The following ZFAND6 variants were observed in gnomAD, a reference collection of about 807,000 sequenced individuals.
The protein encoded by ZFAND6 is zinc finger AN1-type containing 6, also known as AN1-type zinc finger protein 6.
In ZFAND6, 12 loss-of-function variants were observed where a neutral mutation model predicts 24.5. The ratio of observed to expected loss-of-function variants is 0.49; its 90% CI spans 0.31 to 0.79. The LOEUF (loss-of-function observed/expected upper bound fraction) is 0.79, where lower values mean the gene tolerates loss of function less well. Ranked by LOEUF, ZFAND6 falls within the 30% of genes least tolerant of loss-of-function variation. The pLI is 0.04. For synonymous variants in ZFAND6, 92 were observed against 81.5 expected (o/e 1.13, Z -0.69); for missense variants, 207 against 245.9 (o/e 0.84, Z 1.06).
chr15:80,083,200 CT>C (rs2037782750), intron 1 of ZFAND6, among the ~76,000 whole-genome samples: 1 of 152,118 alleles, frequency 6.6e-6, no homozygotes. Flanking sequence ...ACCGTGTTAG[CT>C]GGGATGGTCT....
chr15:80,067,115 T>C (rs1235628902), intron 1 of ZFAND6, among the ~76,000 whole-genome samples: 1 of 152,172 alleles, frequency 6.6e-6, no homozygotes, highest in Non-Finnish European at 1.5e-5. Flanking sequence ...GACAGAAGAT[T>C]AGAATGACTG....
chr15:80,071,882 G>C (rs1048786332), intron 1 of ZFAND6, among the ~76,000 whole-genome samples: 1 of 151,878 alleles, frequency 6.6e-6, no homozygotes, highest in African/African-American at 2.4e-5. Context: ...ATACTCACAT[G>C]TCAGATCTGT....
At chr15:80,073,610 T>C (rs2141826168) in intron 1 of ZFAND6, among the ~76,000 whole-genome samples, 1 of 152,074 alleles carries the variant, frequency 6.6e-6, no homozygotes, top group South Asian at 2.1e-4. Flanking sequence ...ATATCTGTTG[T>C]TTAAACAATA....
intron 1 of ZFAND6, among the ~76,000 whole-genome samples, chr15:80,089,453 G>T (rs960132589): frequency 6.6e-6 from 1 of 151,574 alleles, no homozygotes; most frequent in Non-Finnish European, 1.5e-5. Flanking sequence ...ATGGGGTTTT[G>T]CCATGTTTGC....
At position 80,084,321 on chromosome 15, in the gene ZFAND6, T is replaced by C. The variant is rs546547969; in HGVS notation, c.-180-14095T>C. ...ACACGATGCTGAAAGAAAATGTTCA[T>C]TGGAGCATTTCAGATTTTGGATTTT... On this transcript the variant is annotated intron_variant, in intron 1 of 6. Coordinates refer to ENST00000261749, the MANE Select transcript of ZFAND6 (RefSeq NM_019006.4). 5.9e-5 allele frequency among the ~76,000 whole-genome samples: 9 copies of C among 152,360 alleles called. No homozygotes were observed. The South Asian group carries it at 1.2e-3, about 21-fold the overall frequency.
chr15:80,116,686 A>G (rs2039890720), intron 2 of ZFAND6, among the ~76,000 whole-genome samples: 1 of 152,234 alleles, frequency 6.6e-6, no homozygotes, highest in South Asian at 2.1e-4. Context: ...GGATAGTTGC[A>G]GTGTGAAATT....
At chr15:80,063,408 T>G (rs556322562) in intron 1 of ZFAND6, among the ~76,000 whole-genome samples, 7 of 152,274 alleles carry the variant, frequency 4.6e-5, no homozygotes, top group Non-Finnish European at 8.8e-5. Flanking sequence ...TGTATTTTTT[T>G]TGAGACAGAG....
In ZFAND6 at chr15:80,120,165, T is replaced by G. The variant is rs527762051; in HGVS notation, c.-17-163T>G. On this transcript the variant is annotated intron_variant, in intron 2 of 6. Transcript: ENST00000261749. Reference sequence around the variant, plus strand: ...AAAAGTTCAATGTGTGTCCTTTTGGTTTTTATATTTTTCTCTCCTTTTTAG... The same window carrying G: ...AAAAGTTCAATGTGTGTCCTTTTGGGTTTTATATTTTTCTCTCCTTTTTAG... Among the ~76,000 whole-genome samples, 111 of 152,334 alleles carry G rather than the reference T, an allele frequency of 7.3e-4. 1 individual carries two copies. Among genetic ancestry groups the G allele is most frequent in the African/African-American group, 2.6e-3 (108 of 41,566 alleles).
rs577191875 is a variant in ZFAND6 at position 80,126,979 on chromosome 15, T to C, written c.364+4179T>C. Among the ~76,000 whole-genome samples, 27 of 151,988 alleles carry C rather than the reference T, an allele frequency of 1.8e-4. No individual in the cohort carries two copies. The East Asian group carries it at 4.3e-3, about 24-fold the overall frequency. On this transcript the variant is annotated intron_variant, in intron 5 of 6. Coordinates refer to ENST00000261749, the MANE Select transcript of ZFAND6 (RefSeq NM_019006.4). Reference sequence around the variant, plus strand: ...AATAGCCGAGTGTGGTGGCGCACGCTTGTAGTCCCAGCTACTGGGTAGGGA... The same window carrying C: ...AATAGCCGAGTGTGGTGGCGCACGCCTGTAGTCCCAGCTACTGGGTAGGGA...
At chr15:80,076,192 A>C (rs1272421937) in intron 1 of ZFAND6, among the ~76,000 whole-genome samples, 1 of 152,082 alleles carries the variant, frequency 6.6e-6, no homozygotes, top group Non-Finnish European at 1.5e-5. Context: ...AATGGTTCCA[A>C]CGTCTGAATC....
chr15:80,121,926 C>A, intron 4 of ZFAND6, 106 bp downstream of exon 4: 1 of 985,314 alleles, frequency 1.0e-6, no homozygotes, highest in Non-Finnish European at 1.5e-6. Context: ...TTTAGATTAA[C>A]TGGCCTAAAA....
At chr15:80,059,957 G>T (rs891863643) in intron 1 of ZFAND6, 148 bp downstream of exon 1, 13 of 151,208 alleles carry the variant, frequency 8.6e-5, no homozygotes, top group African/African-American at 2.9e-4. Flanking sequence ...GCCGGCCGGC[G>T]CAGCAGGTGG....
intron 1 of ZFAND6, among the ~76,000 whole-genome samples, chr15:80,063,514 C>T (rs979333371): frequency 2.0e-5 from 3 of 151,910 alleles, no homozygotes; most frequent in Non-Finnish European, 4.4e-5. Context: ...TCCTCAGCCT[C>T]CCGAGTAGCT....
intron 2 of ZFAND6, among the ~76,000 whole-genome samples, chr15:80,118,048 A>G (rs1394574328): frequency 1.7e-5 from 2 of 119,708 alleles, no homozygotes; most frequent in African/African-American, 2.8e-5. Context: ...ATGTATGTAT[A>G]TACATATATG....
chr15:80,074,834 C>T (rs530382019), intron 1 of ZFAND6, among the ~76,000 whole-genome samples: 29 of 151,990 alleles, frequency 1.9e-4, no homozygotes, highest in South Asian at 1.4e-3. Flanking sequence ...AGTTGAGTAA[C>T]GTTCTAGAAT....
intron 6 of ZFAND6, among the ~76,000 whole-genome samples, chr15:80,131,913 C>G (rs2040623913): frequency 6.6e-6 from 1 of 152,050 alleles, no homozygotes; most frequent in Non-Finnish European, 1.5e-5. Flanking sequence ...AAGGAAAGGA[C>G]CATGAAGGCA....
At chr15:80,081,581 C>T (rs1259793893) in intron 1 of ZFAND6, among the ~76,000 whole-genome samples, 1 of 152,180 alleles carries the variant, frequency 6.6e-6, no homozygotes, top group Non-Finnish European at 1.5e-5. Context: ...GGTACAGTAA[C>T]AGCTAGATTA....
intron 6 of ZFAND6, among the ~76,000 whole-genome samples, chr15:80,135,029 T>A (rs1382396608): frequency 6.6e-6 from 1 of 152,178 alleles, no homozygotes; most frequent in African/African-American, 2.4e-5. Context: ...TTACACCAAG[T>A]ATGCCTGCCT....
In ZFAND6 at chr15:80,070,609, C is replaced by T. The variant is rs1242383937; in HGVS notation, c.-181+10800C>T. Among the ~76,000 whole-genome samples, 4 of 152,256 alleles carry T rather than the reference C, an allele frequency of 2.6e-5. No individual in the cohort carries two copies. The East Asian group carries it at 7.7e-4, about 29-fold the overall frequency. On this transcript the variant is annotated intron_variant, in intron 1 of 6. Coordinates refer to ENST00000261749, the MANE Select transcript of ZFAND6 (RefSeq NM_019006.4). ...TTAAAATGATCCGGAATCACTGAGT[C>T]CACAGTTCTCTTTTCTCTTGGTTAT... is the stretch of plus-strand genomic sequence containing the variant.
Sources: gnomAD v4.1 joint callset for allele counts (sites outside exome capture counted in the v4.1 genomes callset) on GRCh38, gnomAD v4.1.1 for gene constraint, MANE v1.5 for transcripts, NCBI Gene and HGNC (gene_info 2026-07-23, HGNC 2026-07-21) for gene names.